Variants in GRID2 observed in about 807,000 individuals in gnomAD.
GRID2 encodes glutamate ionotropic receptor delta type subunit 2, also known as glutamate receptor ionotropic, delta-2.
GRID2 carries 33 observed loss-of-function variants against 114.8 expected under a neutral mutation model. The ratio of observed to expected loss-of-function variants is 0.29; its 90% CI spans 0.22 to 0.38. The LOEUF is 0.38. GRID2 is among the 10% of genes least tolerant of loss of function. The pLI is 1.00. For missense variants in GRID2, 1,184 were observed against 1,257.7 expected, an observed-to-expected ratio of 0.94 and a Z score of 0.89; for synonymous variants, 505 against 449.9, an observed-to-expected ratio of 1.12 and a Z score of -1.55.
chr4:92,315,725 CT>C, intron 1 of GRID2, among the ~76,000 whole-genome samples: 1 of 152,190 alleles, frequency 6.6e-6, no homozygotes, highest in Admixed American at 6.5e-5. Flanking sequence ...AATCCCAACA[CT>C]TCGGGAGGCT....
chr4:92,700,269 A>G (rs11734837), intron 2 of GRID2, among the ~76,000 whole-genome samples: 12,024 of 152,236 alleles, frequency 0.079, 504 homozygotes, highest in East Asian at 0.088. Context: ...GAAGCAACCC[A>G]ATGTATGCAT....
chr4:93,455,086 G>C (rs181645562), intron 10 of GRID2, among the ~76,000 whole-genome samples: 4 of 152,136 alleles, frequency 2.6e-5, no homozygotes, highest in Admixed American at 6.6e-5. Context: ...AAATATTTCT[G>C]AAGTTTATAC....
chr4:92,493,369 A>C (rs975273288), intron 1 of GRID2, among the ~76,000 whole-genome samples: 1 of 152,168 alleles, frequency 6.6e-6, no homozygotes, highest in Non-Finnish European at 1.5e-5. Flanking sequence ...TGGGTAATGC[A>C]TCACCATCAG....
At chr4:92,778,431 G>T (rs960916874) in intron 2 of GRID2, among the ~76,000 whole-genome samples, 2 of 151,594 alleles carry the variant, frequency 1.3e-5, no homozygotes, top group African/African-American at 4.8e-5. Context: ...ATTTTATTTT[G>T]CCCCATTGAT....
chr4:93,203,332 T>C (rs1453285252), intron 4 of GRID2, among the ~76,000 whole-genome samples: 1 of 152,146 alleles, frequency 6.6e-6, no homozygotes, highest in South Asian at 2.1e-4. Context: ...TTCAAGCTTC[T>C]TTAACACATG....
chr4:92,703,701 G>A (rs1046320946), intron 2 of GRID2, among the ~76,000 whole-genome samples: 25 of 150,340 alleles, frequency 1.7e-4, no homozygotes, highest in African/African-American at 5.6e-4. Flanking sequence ...ATATTGCCTA[G>A]CACATGATGC....
At chr4:93,346,949 G>C (rs1015514867) in intron 8 of GRID2, among the ~76,000 whole-genome samples, 2 of 152,108 alleles carry the variant, frequency 1.3e-5, no homozygotes, top group Admixed American at 6.6e-5. Flanking sequence ...GCTGTCATTG[G>C]TATGCTTGCC....
intron 2 of GRID2, among the ~76,000 whole-genome samples, chr4:93,063,969 G>T (rs1052485620): frequency 1.3e-5 from 2 of 150,752 alleles, no homozygotes; most frequent in African/African-American, 4.9e-5. Context: ...CACAATATCA[G>T]AAATTTAAGT....
At chr4:92,647,147 C>T (rs1242519521) in intron 2 of GRID2, among the ~76,000 whole-genome samples, 3 of 152,190 alleles carry the variant, frequency 2.0e-5, no homozygotes, top group African/African-American at 7.2e-5. Flanking sequence ...GTATAACTTA[C>T]TTTATCTCCT....
At chr4:93,242,989 C>T (rs193023374) in intron 8 of GRID2, among the ~76,000 whole-genome samples, 1 of 152,010 alleles carries the variant, frequency 6.6e-6, no homozygotes, top group East Asian at 1.9e-4. Context: ...TTTTTATGTT[C>T]CTATGTCCCA....
At chr4:92,559,548 G>A (rs181266320) in intron 1 of GRID2, among the ~76,000 whole-genome samples, 10 of 152,228 alleles carry the variant, frequency 6.6e-5, no homozygotes, top group Admixed American at 6.5e-5. Flanking sequence ...TGCTCAACCT[G>A]TATTATTTTC....
At chr4:93,705,590 G>A (rs1250265097) in intron 14 of GRID2, among the ~76,000 whole-genome samples, 1 of 152,060 alleles carries the variant, frequency 6.6e-6, no homozygotes, top group African/African-American at 2.4e-5. Flanking sequence ...TTAATCCCTT[G>A]TCAGATGGAT....
chr4:93,371,037 G>T (rs761201151), intron 8 of GRID2, among the ~76,000 whole-genome samples: 1 of 152,172 alleles, frequency 6.6e-6, no homozygotes, highest in Non-Finnish European at 1.5e-5. Flanking sequence ...ACACTCCATT[G>T]TAAGAGAGAA....
intron 2 of GRID2, among the ~76,000 whole-genome samples, chr4:92,658,879 T>C (rs945333122): frequency 1.5e-5 from 2 of 136,330 alleles, no homozygotes; most frequent in African/African-American, 2.6e-5. Context: ...TATGTGTATA[T>C]ATATATTTAT....
At chr4:93,660,344 G>A (rs1418860639) in intron 14 of GRID2, among the ~76,000 whole-genome samples, 2 of 152,000 alleles carry the variant, frequency 1.3e-5, no homozygotes, top group African/African-American at 4.8e-5. Flanking sequence ...GTCACCCAAA[G>A]AAGTTTTATA....
chr4:93,673,814 C>T (rs182590749), intron 14 of GRID2, among the ~76,000 whole-genome samples: 51 of 152,266 alleles, frequency 3.3e-4, no homozygotes, highest in African/African-American at 1.1e-3. Context: ...ACTTATGATG[C>T]GCACCATAAA....
rs143108063 is a variant in GRID2 at position 92,847,361 on chromosome 4, C to T, written c.245-237634C>T. 9.9e-3 allele frequency among the ~76,000 whole-genome samples: 1,512 copies of T among 152,102 alleles called. 20 individuals are homozygous for T. Among genetic ancestry groups the T allele is most frequent in the African/African-American group, 0.035 (1,443 of 41,488 alleles). On this transcript the variant is annotated intron_variant, in intron 2 of 15. Transcript: ENST00000282020. ...CACAAATACTCTAAGAATGGCAGAT[C>T]TCTGTGACAGTTTTTTCTTGGGCTT...
At chr4:92,336,842 T>C (rs1038685158) in intron 1 of GRID2, among the ~76,000 whole-genome samples, 2 of 151,992 alleles carry the variant, frequency 1.3e-5, no homozygotes, top group African/African-American at 4.8e-5. Context: ...GCTTCCTATA[T>C]CTAGATGACT....
intron 8 of GRID2, among the ~76,000 whole-genome samples, chr4:93,325,444 T>C (rs1757724007): frequency 6.6e-6 from 1 of 152,078 alleles, no homozygotes; most frequent in African/African-American, 2.4e-5. Context: ...AGACTATTCT[T>C]TCTAGCTGTA....
Sources: gnomAD v4.1 joint callset for allele counts (sites outside exome capture counted in the v4.1 genomes callset) on GRCh38, gnomAD v4.1.1 for gene constraint, MANE v1.5 for transcripts, NCBI Gene and HGNC (gene_info 2026-07-23, HGNC 2026-07-21) for gene names.